The following SH3RF3 variants were observed in gnomAD, a reference collection of about 807,000 sequenced individuals.
SH3RF3 encodes E3 ubiquitin-protein ligase SH3RF3.
Under a neutral mutation model 66.3 loss-of-function variants are expected in SH3RF3, and 29 were observed. The observed-to-expected ratio is 0.44, with a 90% CI of 0.33 to 0.60. The LOEUF is 0.60. Ranked by LOEUF, SH3RF3 falls within the 20% of genes least tolerant of loss-of-function variation. The pLI is 0.04. For missense variants in SH3RF3, 1,194 were observed against 1,190.9 expected, an observed-to-expected ratio of 1.00 and a Z score of -0.04; for synonymous variants, 583 against 532.0, an observed-to-expected ratio of 1.10 and a Z score of -1.32.
intron 1 of SH3RF3, among the ~76,000 whole-genome samples, chr2:109,312,943 C>T (rs1681766321): frequency 6.6e-6 from 1 of 152,160 alleles, no homozygotes; most frequent in East Asian, 1.9e-4. Flanking sequence ...AAGAGCCGCC[C>T]TATGTTTTCC....
chr2:109,243,340 G>A (rs1679833818), intron 1 of SH3RF3, among the ~76,000 whole-genome samples: 1 of 152,234 alleles, frequency 6.6e-6, no homozygotes, highest in African/African-American at 2.4e-5. Flanking sequence ...GATTCCATGT[G>A]CTTAGTCTCC....
At chr2:109,428,120 G>A (rs142337139) in intron 5 of SH3RF3, among the ~76,000 whole-genome samples, 1,610 of 152,334 alleles carry the variant, frequency 0.011, 27 homozygotes, top group African/African-American at 0.033. Context: ...TGGAAGAGGT[G>A]AGGAGGAAGC....
At position 109,129,320 on chromosome 2, in the gene SH3RF3, C is replaced by A. The variant is rs1676618161; in HGVS notation, c.-221C>A. 2 of 743,700 alleles carry A rather than the reference C, an allele frequency of 2.7e-6. No homozygotes were observed. Among genetic ancestry groups the A allele is most frequent in the Non-Finnish European group, 4.4e-6 (2 of 456,210 alleles). 46.1% of individuals were successfully genotyped at this position (743,700 alleles called of 1,614,324 possible). On this transcript the variant is annotated 5_prime_UTR_variant, in exon 1 of 10. Coordinates refer to ENST00000309415, the MANE Select transcript of SH3RF3 (RefSeq NM_001099289.3). ...GGCGCTGCGCTCAGGACTGGGCGGG[C>A]TCGGCTGGCCGGTCCCCGCCACGCA...
chr2:109,370,304 A>G (rs1330435877), intron 2 of SH3RF3, among the ~76,000 whole-genome samples: 1 of 149,672 alleles, frequency 6.7e-6, no homozygotes, highest in Non-Finnish European at 1.5e-5. Context: ...CAGAGGTACG[A>G]TCTCGGCTCA....
chr2:109,466,930 C>T (rs1460517079), intron 8 of SH3RF3, among the ~76,000 whole-genome samples: 1 of 150,944 alleles, frequency 6.6e-6, no homozygotes, highest in Non-Finnish European at 1.5e-5. Context: ...TGTATGTATG[C>T]ATGTATGTGT....
intron 1 of SH3RF3, among the ~76,000 whole-genome samples, chr2:109,346,069 T>C (rs1324965269): frequency 6.6e-6 from 1 of 152,240 alleles, no homozygotes; most frequent in Non-Finnish European, 1.5e-5. Context: ...CTGATCACAG[T>C]GCTTGTCTTG....
chr2:109,145,221 C>T (rs753593840), intron 1 of SH3RF3, among the ~76,000 whole-genome samples: 16 of 152,130 alleles, frequency 1.1e-4, no homozygotes, highest in Non-Finnish European at 2.1e-4. Flanking sequence ...TGGCTGGGTC[C>T]TTCCTGACCA....
intron 1 of SH3RF3, among the ~76,000 whole-genome samples, chr2:109,140,531 C>T (rs1383370957): frequency 6.6e-6 from 1 of 152,092 alleles, no homozygotes; most frequent in Non-Finnish European, 1.5e-5. Flanking sequence ...CAGGCGCCCA[C>T]CACCATGCCT....
At chr2:109,255,089 G>A (rs139477709) in intron 1 of SH3RF3, among the ~76,000 whole-genome samples, 9 of 152,188 alleles carry the variant, frequency 5.9e-5, no homozygotes, top group Non-Finnish European at 8.8e-5. Context: ...GGTGGTACCC[G>A]TGTCATGGTG....
intron 8 of SH3RF3, among the ~76,000 whole-genome samples, chr2:109,466,724 C>T (rs1288634324): frequency 6.6e-6 from 1 of 152,072 alleles, no homozygotes; most frequent in Non-Finnish European, 1.5e-5. Context: ...CATTTGGGTC[C>T]ACAATTCATT....
chr2:109,445,998 C>A (rs1412566525), intron 7 of SH3RF3, among the ~76,000 whole-genome samples: 1 of 152,132 alleles, frequency 6.6e-6, no homozygotes, highest in Non-Finnish European at 1.5e-5. Context: ...AAGGGAAAAG[C>A]AGGGACCATG....
intron 1 of SH3RF3, among the ~76,000 whole-genome samples, chr2:109,264,182 G>T (rs560621594): frequency 6.7e-6 from 1 of 149,588 alleles, no homozygotes; most frequent in South Asian, 2.1e-4. Flanking sequence ...TCCACCCCAA[G>T]TCTGTGTGTG....
At chr2:109,217,773 C>T (rs1019119692) in intron 1 of SH3RF3, among the ~76,000 whole-genome samples, 4 of 152,188 alleles carry the variant, frequency 2.6e-5, no homozygotes, top group African/African-American at 4.8e-5. Flanking sequence ...ATTCTTCTCC[C>T]GCCTGCATCT....
At chr2:109,143,708 C>G (rs1004228924) in intron 1 of SH3RF3, among the ~76,000 whole-genome samples, 1 of 152,032 alleles carries the variant, frequency 6.6e-6, no homozygotes, top group African/African-American at 2.4e-5. Flanking sequence ...GAGCCGTGAT[C>G]GCACCACTGC....
chr2:109,501,422 A>G, intron 9 of SH3RF3, 81 bp from the exon 10 acceptor site: 1 of 646,278 alleles, frequency 1.5e-6, no homozygotes, highest in South Asian at 1.8e-5. Context: ...ACAATAATTT[A>G]CACCGAGGGA....
At chr2:109,132,523 G>A (rs1158926279) in intron 1 of SH3RF3, among the ~76,000 whole-genome samples, 1 of 152,160 alleles carries the variant, frequency 6.6e-6, no homozygotes, top group African/African-American at 2.4e-5. Flanking sequence ...AAGCGCTTTT[G>A]TGGAGTCAGT....
At chr2:109,485,425 T>C (rs1298950418) in intron 8 of SH3RF3, among the ~76,000 whole-genome samples, 4 of 152,238 alleles carry the variant, frequency 2.6e-5, no homozygotes, top group Non-Finnish European at 5.9e-5. Context: ...CAATTTTCCA[T>C]AACTTTTAAT....
chr2:109,256,761 G>A (rs989054658), intron 1 of SH3RF3, among the ~76,000 whole-genome samples: 10 of 152,308 alleles, frequency 6.6e-5, no homozygotes, highest in Admixed American at 2.0e-4. Context: ...ATTGATGAAT[G>A]AATCACTGGA....
chr2:109,331,045 T>A (rs2105488436), intron 1 of SH3RF3, among the ~76,000 whole-genome samples: 1 of 152,318 alleles, frequency 6.6e-6, no homozygotes, highest in South Asian at 2.1e-4. Context: ...ATCTGTTGAC[T>A]TTCACCCAAA....
Sources: gnomAD v4.1 joint callset for allele counts (sites outside exome capture counted in the v4.1 genomes callset) on GRCh38, gnomAD v4.1.1 for gene constraint, MANE v1.5 for transcripts, NCBI Gene and HGNC (gene_info 2026-07-23, HGNC 2026-07-21) for gene names.